Variants in ABCA13 observed in about 807,000 individuals in gnomAD.
ABCA13 encodes the protein ATP-binding cassette sub-family A member 13.
A neutral mutation model predicts 478.7 loss-of-function variants in ABCA13; 476 were observed. That is an observed-to-expected ratio of 0.99 (90% CI 0.92 to 1.07). The LOEUF (loss-of-function observed/expected upper bound fraction) is 1.07. Among genes scored for constraint, ABCA13 ranks in the 50% least tolerant of loss-of-function variants. ABCA13 has a pLI of 0.00. For missense variants in ABCA13, 6,060 were observed against 5,910.6 expected (o/e 1.03, Z -0.83); for synonymous variants, 2,252 against 2,158.9 (o/e 1.04, Z -1.20).
chr7:48,272,880 G>A lies in ABCA13; in HGVS notation c.3214G>A (p.Asp1072Asn). Residue 1072 changes from aspartate (D) to asparagine (N), a missense_variant, in exon 17 of 62, where the codon GAT becomes AAT. By Grantham distance (23) the Asp-to-Asn change is conservative. This residue lies in a region of ABCA13 where 4,423 missense variants were observed against 4,309.1 expected (regional missense o/e 1.03). Coordinates refer to ENST00000435803, the MANE Select transcript of ABCA13 (RefSeq NM_152701.5). ...LTGLKQLLII[D>N]EDFRISLFQY... The stretch of plus-strand genomic sequence containing the variant: ...AGGCCTCAAACAGCTGCTCATAATT[G>A]ATGAAGATTTTCGTATTTCTTTATT... The A allele has an allele frequency of 1.2e-6, 2 of 1,608,168 alleles. No individual in the cohort carries two copies. The highest frequency in any genetic ancestry group is 1.1e-5 in the South Asian group (1 of 90,384).
At chr7:48,624,985 A>T (rs1793528065) in intron 59 of ABCA13, among the ~76,000 whole-genome samples, 1 of 152,240 alleles carries the variant, frequency 6.6e-6, no homozygotes, top group African/African-American at 2.4e-5. Flanking sequence ...GTAAACTTTG[A>T]GAACCAAGAA....
chr7:48,375,854 G>T (rs1379956884), intron 34 of ABCA13, among the ~76,000 whole-genome samples: 1 of 152,044 alleles, frequency 6.6e-6, no homozygotes, highest in Non-Finnish European at 1.5e-5. Context: ...TAGACCATTT[G>T]AATATTTTGG....
In ABCA13 at chr7:48,204,593, T is replaced by C. The variant is rs760826112; in HGVS notation, c.287+6233T>C. Among the ~76,000 whole-genome samples the C allele has an allele frequency of 6.0e-4, 91 of 152,302 alleles. 1 individual carries two copies. In the Middle Eastern group the frequency reaches 0.017, roughly 28 times the overall value. ...CAGGGAGAAGGATTCCTTCTGTGCC[T>C]GCCGTCCCATTCCGATGCTTTGGGG... On this transcript the variant is annotated intron_variant, in intron 3 of 61. Transcript: ENST00000435803.
chr7:48,518,928 G>C (rs1832327323), intron 52 of ABCA13, among the ~76,000 whole-genome samples: 1 of 152,072 alleles, frequency 6.6e-6, no homozygotes, highest in South Asian at 2.1e-4. Flanking sequence ...ATTAAGCCCA[G>C]CATGCATTAG....
rs74661216 is a variant in ABCA13 at position 48,342,875 on chromosome 7, T to G, written c.10204+4420T>G. On this transcript the variant is annotated intron_variant, in intron 29 of 61. Coordinates refer to ENST00000435803, the MANE Select transcript of ABCA13 (RefSeq NM_152701.5). Reference sequence around the variant, plus strand: ...CTGCTATTAAACATACCAATGAAGTTCTTCATTTCAGTTGTTGCATTTTCC... The same window carrying G: ...CTGCTATTAAACATACCAATGAAGTGCTTCATTTCAGTTGTTGCATTTTCC... 4.9e-3 allele frequency among the ~76,000 whole-genome samples: 751 copies of G among 152,294 alleles called. 7 individuals carry two copies. The highest frequency in any genetic ancestry group is 0.017 in the African/African-American group (717 of 41,584).
At chr7:48,365,204 G>A (rs1261899828) in intron 31 of ABCA13, among the ~76,000 whole-genome samples, 1 of 152,016 alleles carries the variant, frequency 6.6e-6, no homozygotes, top group Admixed American at 6.6e-5. Flanking sequence ...GCCATTTGTG[G>A]TCGTTTATTT....
chr7:48,525,886 T>C (rs1832860245), intron 54 of ABCA13, among the ~76,000 whole-genome samples: 1 of 151,984 alleles, frequency 6.6e-6, no homozygotes. Context: ...CCTGATGCTC[T>C]CCCTCCCACC....
At chr7:48,376,037 A>G (rs1426349959) in intron 34 of ABCA13, among the ~76,000 whole-genome samples, 1 of 152,150 alleles carries the variant, frequency 6.6e-6, no homozygotes, top group Non-Finnish European at 1.5e-5. Flanking sequence ...GTTCTTATAT[A>G]TCCTATTATA....
chr7:48,301,527 T>C (rs1800156729), intron 23 of ABCA13, among the ~76,000 whole-genome samples: 1 of 152,170 alleles, frequency 6.6e-6, no homozygotes, highest in Non-Finnish European at 1.5e-5. Flanking sequence ...CATTCTTTTT[T>C]TTTTTTCTTT....
At position 48,275,083 on chromosome 7, in the gene ABCA13, C is replaced by T; in HGVS notation, c.5417C>T (p.Ser1806Leu). The T allele has an allele frequency of 6.2e-7, 1 of 1,613,060 alleles. No individual in the cohort carries two copies. Among genetic ancestry groups the T allele is most frequent in the Non-Finnish European group, 8.5e-7 (1 of 1,179,414 alleles). ...CTTTTGGATACAATTGAATTAGTAT[C>T]AGATAAGCCAGATATTATTTCAGAG... Reference protein sequence around the residue: ...KILLDTIELVSDKPDIISEAL... With the variant: ...KILLDTIELVLDKPDIISEAL... Residue 1806 changes from serine (S) to leucine (L), a missense_variant, in exon 17 of 62, where the codon TCA becomes TTA. By Grantham distance (145) the Ser-to-Leu change is moderately radical. Around this residue, in one of 3 missense-constraint regions of ABCA13, gnomAD observed 4,423 missense variants for 4,309.1 expected, o/e 1.03. Coordinates refer to ENST00000435803, the MANE Select transcript of ABCA13 (RefSeq NM_152701.5).
chr7:48,196,290 T>C (rs1367513734), intron 2 of ABCA13, among the ~76,000 whole-genome samples: 5 of 152,130 alleles, frequency 3.3e-5, no homozygotes, highest in Non-Finnish European at 7.4e-5. Flanking sequence ...CCAACAAAGA[T>C]GTGGCCCAAA....
At chr7:48,611,182 C>T (rs539597875) in intron 58 of ABCA13, among the ~76,000 whole-genome samples, 1 of 152,310 alleles carries the variant, frequency 6.6e-6, no homozygotes, top group South Asian at 2.1e-4. Flanking sequence ...CTGAACTATG[C>T]TCCAGTTTCC....
At chr7:48,461,313 C>T (rs981999830) in intron 43 of ABCA13, among the ~76,000 whole-genome samples, 17 of 152,150 alleles carry the variant, frequency 1.1e-4, no homozygotes, top group Admixed American at 5.2e-4. Context: ...TCCGCCTTCA[C>T]ACCAGGCTTC....
At chr7:48,336,720 C>A (rs1806322263) in intron 28 of ABCA13, among the ~76,000 whole-genome samples, 1 of 152,190 alleles carries the variant, frequency 6.6e-6, no homozygotes, top group African/African-American at 2.4e-5. Context: ...CCGTTTCCTG[C>A]AGTTGGAGGT....
At chr7:48,617,617 G>A in intron 59 of ABCA13, among the ~76,000 whole-genome samples, 1 of 152,120 alleles carries the variant, frequency 6.6e-6, no homozygotes, top group East Asian at 1.9e-4. Context: ...CCCTTGGGAG[G>A]GGCAGGTGCA....
intron 44 of ABCA13, among the ~76,000 whole-genome samples, chr7:48,468,899 A>G (rs1372706874): frequency 1.3e-5 from 2 of 152,252 alleles, no homozygotes; most frequent in African/African-American, 4.8e-5. Flanking sequence ...CCGATCTAAA[A>G]TATGAGTTTT....
rs200455532 is a variant in ABCA13, at chr7:48,225,113, C to G, written c.469-2149C>G. Reference sequence around the variant, plus strand: ...GGCGTTAATCACCATGCGTGCGTGCCTGCCTGCCTGCCTGCCTGCCTGCCT... The same window carrying G: ...GGCGTTAATCACCATGCGTGCGTGCGTGCCTGCCTGCCTGCCTGCCTGCCT... On this transcript the variant is annotated intron_variant, in intron 5 of 61. Coordinates refer to ENST00000435803, the MANE Select transcript of ABCA13 (RefSeq NM_152701.5). Among the ~76,000 whole-genome samples the G allele has an allele frequency of 7.5e-4, 68 of 90,270 alleles. 1 individual carries two copies. In the East Asian group the frequency reaches 8.5e-3, roughly 11 times the overall value. The allele number at this position is 90,270 out of a possible 152,430, so 59.2% of individuals were successfully genotyped here.
At position 48,453,611 on chromosome 7, in the gene ABCA13, C is replaced by T. The variant is rs1190454435; in HGVS notation, c.12566-1426C>T. Among the ~76,000 whole-genome samples, 3 of 152,260 alleles carry T rather than the reference C, an allele frequency of 2.0e-5. No individual in the cohort carries two copies. In the East Asian group the frequency reaches 5.8e-4, roughly 29 times the overall value. Reference sequence around the variant, plus strand: ...ACAGAGAATGCCAGGCCTATTTATACCTCCTGTTTTGATCTTTAGACTTCC... The same window carrying T: ...ACAGAGAATGCCAGGCCTATTTATATCTCCTGTTTTGATCTTTAGACTTCC... On this transcript the variant is annotated intron_variant, in intron 42 of 61. Transcript: ENST00000435803.
chr7:48,577,029 A>G (rs1276933330), intron 55 of ABCA13, among the ~76,000 whole-genome samples: 1 of 152,192 alleles, frequency 6.6e-6, no homozygotes, highest in Non-Finnish European at 1.5e-5. Flanking sequence ...ATTAAGCTTC[A>G]ATGAAAATGA....
Sources: gnomAD v4.1 joint callset for allele counts (sites outside exome capture counted in the v4.1 genomes callset) on GRCh38, gnomAD v4.1.1 for gene constraint, gnomAD v4.1.1 regional missense constraint, MANE v1.5 for transcripts, NCBI Gene and HGNC (gene_info 2026-07-23, HGNC 2026-07-21) for gene names.